The following COL24A1 variants were observed in gnomAD, a reference collection of about 807,000 sequenced individuals.
COL24A1 encodes collagen alpha-1(XXIV) chain.
A neutral mutation model predicts 253.9 loss-of-function variants in COL24A1; 224 were observed. The ratio of observed to expected loss-of-function variants is 0.88; its 90% CI spans 0.79 to 0.99. COL24A1 has a LOEUF of 0.99. COL24A1 is among the 50% of genes least tolerant of loss of function. The probability of loss-of-function intolerance (pLI) is 0.00; values close to 1 mark genes in which losing one functional copy is unlikely to be tolerated. For missense variants in COL24A1, 2,131 were observed against 2,068.5 expected, an observed-to-expected ratio of 1.03 and a Z score of -0.59; for synonymous variants, 685 against 673.7, an observed-to-expected ratio of 1.02 and a Z score of -0.26.
intron 24 of COL24A1, among the ~76,000 whole-genome samples, chr1:85,954,014 C>T (rs1162825333): frequency 1.3e-5 from 2 of 152,110 alleles, no homozygotes; most frequent in South Asian, 4.1e-4. Context: ...ATTGGAAAAG[C>T]AAAGTTCCAT....
intron 12 of COL24A1, among the ~76,000 whole-genome samples, chr1:86,036,852 T>C (rs1571693021): frequency 6.6e-6 from 1 of 152,200 alleles, no homozygotes; most frequent in Non-Finnish European, 1.5e-5. Context: ...TAGAAAATTA[T>C]TATCATTAAT....
In COL24A1 at chr1:85,812,230, T is replaced by C. The variant is rs377400116; in HGVS notation, c.3951+4558A>G. ...TGTATTGAAACTGGGCCCTAGCACG[T>C]CTGGAAAGCACAGACAAAATGTGTA... On this transcript the variant is annotated intron_variant, in intron 47 of 59. Transcript: ENST00000370571. Among the ~76,000 whole-genome samples the C allele has an allele frequency of 1.2e-4, 19 of 152,352 alleles. No homozygotes were observed. The South Asian group carries it at 3.7e-3, about 30-fold the overall frequency.
chr1:86,078,268 A>T (rs898690669), intron 7 of COL24A1, among the ~76,000 whole-genome samples: 1 of 152,194 alleles, frequency 6.6e-6, no homozygotes, highest in African/African-American at 2.4e-5. Flanking sequence ...TGGTAAAAAA[A>T]ATACCCTCAA....
intron 24 of COL24A1, among the ~76,000 whole-genome samples, chr1:85,926,850 A>G (rs1687308722): frequency 6.6e-6 from 1 of 151,982 alleles, no homozygotes; most frequent in South Asian, 2.1e-4. Context: ...AAAGAGTCAA[A>G]AAGGAGGAGA....
intron 20 of COL24A1, among the ~76,000 whole-genome samples, chr1:85,983,378 A>G (rs1693427479): frequency 6.6e-6 from 1 of 152,002 alleles, no homozygotes; most frequent in Admixed American, 6.6e-5. Flanking sequence ...CTTAATACAA[A>G]TATACACACA....
chr1:85,841,953 T>C, intron 41 of COL24A1, 115 bp downstream of exon 41: 2 of 804,224 alleles, frequency 2.5e-6, no homozygotes, highest in Non-Finnish European at 4.0e-6. Flanking sequence ...AGTAAAATTT[T>C]CAACTTTAAA....
At position 85,737,475 on chromosome 1, in the gene COL24A1, C is replaced by T. The variant is rs1447246169; in HGVS notation, c.4703G>A (p.Cys1568Tyr). 5 of 1,612,450 alleles carry T rather than the reference C, an allele frequency of 3.1e-6. No homozygotes were observed. The highest frequency in any genetic ancestry group is 4.2e-6 in the Non-Finnish European group (5 of 1,179,044). The change falls in exon 58 of 60, where the codon TGT (cysteine) becomes TAT (tyrosine). Residue 1568 changes from cysteine (C) to tyrosine (Y), a missense_variant. Physicochemically the swap from Cys to Tyr is radical, Grantham distance 194. Transcript: ENST00000370571. ...GKYWIDPNLG[C>Y]PSDAIEVFCN... ...GAAAACCTCAATGGCATCTGAAGGACAGCCAAGATTTGGGTCAATCCAGTA... is the reference window on the plus strand; with the variant it reads ...GAAAACCTCAATGGCATCTGAAGGATAGCCAAGATTTGGGTCAATCCAGTA...
At position 85,892,579 on chromosome 1, in the gene COL24A1, T is replaced by TCC. The variant is rs536830610; in HGVS notation, c.2923-2968_2923-2967dup. Among the ~76,000 whole-genome samples, 381 of 152,138 alleles carry TCC rather than the reference T, an allele frequency of 2.5e-3. 3 individuals carry two copies. The highest frequency in any genetic ancestry group is 8.9e-3 in the African/African-American group (368 of 41,558). On this transcript the variant is annotated intron_variant, in intron 31 of 59. Transcript: ENST00000370571. ...ATGTGGGTAAATGATAAACATTTTT[T>TCC]CCCCATTAAACATCTCTAAAGTATG...
intron 46 of COL24A1, among the ~76,000 whole-genome samples, chr1:85,817,423 C>T (rs929497545): frequency 2.6e-5 from 4 of 151,766 alleles, no homozygotes; most frequent in South Asian, 2.1e-4. Flanking sequence ...TCTGAATGTG[C>T]TTATAATTTA....
At chr1:85,853,157 G>T (rs1213835723) in intron 37 of COL24A1, among the ~76,000 whole-genome samples, 1 of 152,058 alleles carries the variant, frequency 6.6e-6, no homozygotes, top group Non-Finnish European at 1.5e-5. Context: ...GATGTTAATT[G>T]TTCCTTTCTT....
At chr1:85,904,634 T>G (rs1194069842) in intron 28 of COL24A1, among the ~76,000 whole-genome samples, 1 of 152,174 alleles carries the variant, frequency 6.6e-6, no homozygotes, top group Non-Finnish European at 1.5e-5. Context: ...ATAATAATAC[T>G]TTAAAGTTTA....
chr1:86,057,270 A>G lies in COL24A1; in HGVS notation c.1851+661T>C, dbSNP rs1049669744. On this transcript the variant is annotated intron_variant, in intron 10 of 59. Transcript: ENST00000370571. ...TCTCCCTTCACCTTCCGCTGTGACT[A>G]TAAGTTTCCTAAGGCCCTCACAAGA... Among the ~76,000 whole-genome samples, 41 of 152,286 alleles carry G rather than the reference A, an allele frequency of 2.7e-4. No homozygotes were observed. In the Middle Eastern group the frequency reaches 0.01, roughly 38 times the overall value.
At chr1:86,032,564 C>T (rs971153057) in intron 13 of COL24A1, among the ~76,000 whole-genome samples, 14 of 152,106 alleles carry the variant, frequency 9.2e-5, no homozygotes, top group African/African-American at 2.2e-4. Flanking sequence ...ATTGTCATTA[C>T]ACTTTATAGT....
rs1648118143 is a variant in COL24A1, at chr1:86,125,454, T to C, written c.882A>G (p.Ile294Met). The C allele has an allele frequency of 6.2e-7, 1 of 1,613,696 alleles. No homozygotes were observed. The highest frequency in any genetic ancestry group is 8.5e-7 in the Non-Finnish European group (1 of 1,179,790). The change falls in exon 3 of 60, where the codon ATA becomes ATG. Residue 294 changes from isoleucine to methionine, a missense_variant. By Grantham distance (10) the Ile-to-Met change is conservative. Coordinates refer to ENST00000370571, the MANE Select transcript of COL24A1 (RefSeq NM_152890.7). Reference sequence around the variant, plus strand: ...TATACACGGTTTCAGAATCATTTTTTATGATATTTGGAATGCTTTTGCCTT... The same window carrying C: ...TATACACGGTTTCAGAATCATTTTTCATGATATTTGGAATGCTTTTGCCTT... The part of the protein sequence containing the change: ...FTEGKSIPNI[I>M]KNDSETVYKR...
chr1:86,067,703 T>C (rs12755069), intron 7 of COL24A1, among the ~76,000 whole-genome samples: 19,343 of 152,214 alleles, frequency 0.13, 1,330 homozygotes, highest in Middle Eastern at 0.14. Flanking sequence ...ATAAAGACTT[T>C]CATTTATTCC....
chr1:86,151,779 CTT>C (rs139407173), intron 1 of COL24A1, among the ~76,000 whole-genome samples: 1 of 152,296 alleles, frequency 6.6e-6, no homozygotes, highest in Non-Finnish European at 1.5e-5. Context: ...GGTATTATAA[CTT>C]ATGTCTTCAG....
chr1:85,978,195 C>T (rs1399835182), intron 20 of COL24A1, among the ~76,000 whole-genome samples: 2 of 152,034 alleles, frequency 1.3e-5, no homozygotes, highest in Non-Finnish European at 2.9e-5. Context: ...TTCACCACTA[C>T]CAAGTCAGCA....
intron 7 of COL24A1, among the ~76,000 whole-genome samples, chr1:86,077,666 A>G (rs1052836272): frequency 3.9e-5 from 6 of 152,210 alleles, no homozygotes; most frequent in African/African-American, 1.4e-4. Context: ...CCATAAAAAA[A>G]GATGAGTCCA....
intron 47 of COL24A1, among the ~76,000 whole-genome samples, chr1:85,806,476 G>A (rs1671979587): frequency 1.3e-5 from 2 of 152,212 alleles, no homozygotes; most frequent in Non-Finnish European, 2.9e-5. Flanking sequence ...GAATTATTCA[G>A]TTCTGCTGTT....
Sources: allele counts gnomAD v4.1 joint callset (sites outside exome capture counted in the v4.1 genomes callset), GRCh38; gene constraint gnomAD v4.1.1; transcripts MANE v1.5; gene names NCBI Gene and HGNC (gene_info 2026-07-23, HGNC 2026-07-21).